ARID2: variants seen among roughly 807,000 people sequenced by gnomAD.
ARID2 encodes the protein AT-rich interaction domain 2, also known as AT-rich interactive domain-containing protein 2.
A neutral mutation model predicts 184.6 loss-of-function variants in ARID2; 32 were observed. The ratio of observed to expected loss-of-function variants is 0.17; its 90% CI spans 0.13 to 0.23. ARID2 has a LOEUF of 0.23. Among genes scored for constraint, ARID2 ranks in the 10% least tolerant of loss-of-function variants. ARID2 has a pLI of 1.00. For synonymous variants in ARID2, 836 were observed against 772.6 expected (o/e 1.08, Z -1.36); for missense variants, 1,696 against 2,197.6 (o/e 0.77, Z 4.56).
chr12:45,737,176 G>A (rs1273221756), intron 3 of ARID2, among the ~76,000 whole-genome samples: 1 of 152,122 alleles, frequency 6.6e-6, no homozygotes, highest in Non-Finnish European at 1.5e-5. Flanking sequence ...TCTTAGTGAT[G>A]TCCAGGAATA....
intron 20 of ARID2, among the ~76,000 whole-genome samples, chr12:45,898,543 A>G (rs1274192836): frequency 6.6e-6 from 1 of 152,218 alleles, no homozygotes; most frequent in Non-Finnish European, 1.5e-5. Context: ...TCTTTTAAAG[A>G]TGATGAAAAT....
At position 45,850,360 on chromosome 12, in the gene ARID2, A is replaced by G. The variant is rs371834944; in HGVS notation, c.2237A>G (p.Asn746Ser). The part of the protein sequence containing the change: ...GGPPQSSVVQ[N>S]HSTGPQPVTV... ...CCTCCACAGAGTTCTGTTGTTCAGA[A>G]TCATAGTACAGGGCCACAACCTGTT... Residue 746 changes from asparagine (N) to serine (S), a missense_variant, in exon 15 of 21, where the codon AAT (asparagine) becomes AGT (serine). Physicochemically the swap from Asn to Ser is conservative, Grantham distance 46. Transcript: ENST00000334344. The G allele has an allele frequency of 5.6e-5, 90 of 1,614,018 alleles. No individual in the cohort carries two copies. The highest frequency in any genetic ancestry group is 1.1e-5 in the Non-Finnish European group (13 of 1,180,008).
chr12:45,839,575 A>T (rs1444413267), intron 11 of ARID2, 79 bp downstream of exon 11: 2 of 1,485,558 alleles, frequency 1.3e-6, no homozygotes, highest in Non-Finnish European at 1.8e-6. Flanking sequence ...TTCAATGTGC[A>T]GTATAGAGAA....
intron 6 of ARID2, 132 bp from the exon 7 acceptor site, chr12:45,836,457 C>T: frequency 1.3e-6 from 1 of 758,258 alleles, no homozygotes; most frequent in Non-Finnish European, 2.0e-6. Context: ...TGCAAGTAAT[C>T]CTCCCATCTT....
chr12:45,903,731 AGT>A (rs1392978479), intron 20 of ARID2, among the ~76,000 whole-genome samples: 1 of 152,000 alleles, frequency 6.6e-6, no homozygotes, highest in Admixed American at 6.6e-5. Flanking sequence ...TCTTTTCTAC[AGT>A]GTTTTTTAAT....
chr12:45,823,932 T>G (rs1324720868), intron 6 of ARID2, among the ~76,000 whole-genome samples: 1 of 152,182 alleles, frequency 6.6e-6, no homozygotes, highest in Non-Finnish European at 1.5e-5. Context: ...TAACTCATTC[T>G]TTGAGGCCAA....
intron 16 of ARID2, among the ~76,000 whole-genome samples, chr12:45,872,300 A>G: frequency 6.6e-6 from 1 of 152,174 alleles, no homozygotes; most frequent in East Asian, 1.9e-4. Flanking sequence ...CTATATCCAG[A>G]AATTATGATT....
At chr12:45,781,873 A>G (rs73095499) in intron 3 of ARID2, among the ~76,000 whole-genome samples, 20 of 152,348 alleles carry the variant, frequency 1.3e-4, no homozygotes, top group Non-Finnish European at 2.2e-4. Flanking sequence ...GTTAATTGGT[A>G]TGGAATCCTT....
At chr12:45,812,092 G>C (rs188436183) in intron 4 of ARID2, among the ~76,000 whole-genome samples, 2 of 151,834 alleles carry the variant, frequency 1.3e-5, no homozygotes, top group East Asian at 3.9e-4. Context: ...ACTCTCTTGA[G>C]TGGAGTAGAC....
intron 16 of ARID2, among the ~76,000 whole-genome samples, chr12:45,867,287 C>G (rs1943845385): frequency 6.6e-6 from 1 of 150,826 alleles, no homozygotes; most frequent in African/African-American, 2.4e-5. Context: ...AGGTCTTGTT[C>G]TGTCATCCAT....
At chr12:45,810,938 G>A (rs755549321) in intron 3 of ARID2, among the ~76,000 whole-genome samples, 30 of 152,086 alleles carry the variant, frequency 2.0e-4, no homozygotes, top group Non-Finnish European at 2.8e-4. Context: ...GGCCGGGCGC[G>A]GTGGCTCATG....
At chr12:45,739,348 A>G (rs1268079804) in intron 3 of ARID2, among the ~76,000 whole-genome samples, 1 of 150,496 alleles carries the variant, frequency 6.6e-6, no homozygotes, top group Non-Finnish European at 1.5e-5. Flanking sequence ...TTATGCAGGT[A>G]TATTCCATGT....
intron 3 of ARID2, among the ~76,000 whole-genome samples, chr12:45,761,793 TC>T (rs1336463512): frequency 6.6e-6 from 1 of 152,148 alleles, no homozygotes; most frequent in African/African-American, 2.4e-5. Context: ...TGTCATTTTT[TC>T]AAATTCTTCT....
At chr12:45,788,089 A>T (rs1339326123) in intron 3 of ARID2, among the ~76,000 whole-genome samples, 1 of 152,188 alleles carries the variant, frequency 6.6e-6, no homozygotes, top group Non-Finnish European at 1.5e-5. Flanking sequence ...TACCTCACAT[A>T]GTTATCATTT....
At chr12:45,794,802 T>C (rs949992332) in intron 3 of ARID2, among the ~76,000 whole-genome samples, 1 of 152,230 alleles carries the variant, frequency 6.6e-6, no homozygotes, top group African/African-American at 2.4e-5. Flanking sequence ...GTGTGGTTAT[T>C]AAATAATGAA....
intron 11 of ARID2, among the ~76,000 whole-genome samples, chr12:45,845,428 A>G (rs1406435007): frequency 6.6e-6 from 1 of 152,184 alleles, no homozygotes; most frequent in South Asian, 2.1e-4. Context: ...AAAATGTGAC[A>G]GACCTGGATT....
At chr12:45,778,132 G>A (rs1942020936) in intron 3 of ARID2, among the ~76,000 whole-genome samples, 1 of 152,086 alleles carries the variant, frequency 6.6e-6, no homozygotes. Context: ...GCTTGAACCC[G>A]GGAGGCAGAG....
chr12:45,779,998 A>T (rs898424989), intron 3 of ARID2, among the ~76,000 whole-genome samples: 3 of 152,178 alleles, frequency 2.0e-5, no homozygotes, highest in Non-Finnish European at 2.9e-5. Context: ...CTTATCTATT[A>T]AATAAGATTA....
At chr12:45,765,625 T>C (rs1320199363) in intron 3 of ARID2, among the ~76,000 whole-genome samples, 1 of 152,190 alleles carries the variant, frequency 6.6e-6, no homozygotes, top group African/African-American at 2.4e-5. Flanking sequence ...TGATTTGTCT[T>C]TTTATTCTCT....
Sources: gnomAD v4.1 joint callset for allele counts (sites outside exome capture counted in the v4.1 genomes callset) on GRCh38, gnomAD v4.1.1 for gene constraint, MANE v1.5 for transcripts, NCBI Gene and HGNC (gene_info 2026-07-23, HGNC 2026-07-21) for gene names.